PRRC2C: variants seen among roughly 807,000 people sequenced by gnomAD.
PRRC2C encodes protein PRRC2C.
Under a neutral mutation model 317.2 loss-of-function variants are expected in PRRC2C, and 72 were observed. The ratio of observed to expected loss-of-function variants is 0.23; its 90% CI spans 0.19 to 0.28. The LOEUF is 0.28. Among genes scored for constraint, PRRC2C ranks in the 10% least tolerant of loss-of-function variants. The pLI is 1.00. For missense variants in PRRC2C, 3,074 were observed against 3,459.7 expected, an observed-to-expected ratio of 0.89 and a Z score of 2.80; for synonymous variants, 1,296 against 1,205.9, an observed-to-expected ratio of 1.07 and a Z score of -1.55.
chr1:171,504,678 T>G (rs943560865), intron 1 of PRRC2C, among the ~76,000 whole-genome samples: 5 of 152,202 alleles, frequency 3.3e-5, no homozygotes, highest in African/African-American at 9.7e-5. Flanking sequence ...GCCTTAAGTC[T>G]TGAAAGCAAG....
intron 15 of PRRC2C, 98 bp from the exon 16 acceptor site, chr1:171,539,873 A>G: frequency 9.8e-7 from 1 of 1,015,362 alleles, no homozygotes; most frequent in Non-Finnish European, 1.5e-6. Context: ...TATGGTTAAG[A>G]GTCATTGCTT....
intron 6 of PRRC2C, among the ~76,000 whole-genome samples, 181 bp from the exon 7 acceptor site, chr1:171,521,996 G>C (rs1297584159): frequency 2.6e-5 from 4 of 152,164 alleles, no homozygotes; most frequent in African/African-American, 9.6e-5. Context: ...TAGTGGCAAT[G>C]GCCTTGGAAA....
At chr1:171,554,875 C>G (rs925276661) in intron 18 of PRRC2C, among the ~76,000 whole-genome samples, 3 of 152,168 alleles carry the variant, frequency 2.0e-5, no homozygotes, top group African/African-American at 7.2e-5. Context: ...CCTGACCTTT[C>G]TCTCTGGCTG....
intron 10 of PRRC2C, among the ~76,000 whole-genome samples, chr1:171,525,401 A>C (rs751692979): frequency 4.6e-5 from 7 of 152,212 alleles, no homozygotes; most frequent in Non-Finnish European, 1.0e-4. Context: ...GAACATTGTG[A>C]ATGAAGGGAA....
chr1:171,573,210 T>G (rs1685079197), intron 24 of PRRC2C, among the ~76,000 whole-genome samples: 1 of 152,146 alleles, frequency 6.6e-6, no homozygotes, highest in Non-Finnish European at 1.5e-5. Context: ...AAAAAATGAG[T>G]ATGATTAACT....
At chr1:171,511,305 C>CTA (rs1339537294) in intron 1 of PRRC2C, 3 of 152,072 alleles carry the variant, frequency 2.0e-5, no homozygotes, top group Admixed American at 6.6e-5. Flanking sequence ...TATTAATAGA[C>CTA]TAAGTTAGGG....
In PRRC2C at chr1:171,520,252, C is replaced by T. The variant is rs150749498; in HGVS notation, c.751-1925C>T. Among the ~76,000 whole-genome samples the T allele has an allele frequency of 2.4e-3, 371 of 152,210 alleles. 1 individual carries two copies. Among genetic ancestry groups the T allele is most frequent in the African/African-American group, 8.4e-3 (347 of 41,512 alleles). ...TGCTGGGATTACAGGCGTGAGCCAC[C>T]GTGCCTGGCCATTAAACGTTTTCCT... On this transcript the variant is annotated intron_variant, in intron 6 of 34. Transcript: ENST00000647382.
At chr1:171,500,430 G>T (rs1668870981) in intron 1 of PRRC2C, among the ~76,000 whole-genome samples, 1 of 151,968 alleles carries the variant, frequency 6.6e-6, no homozygotes, top group Non-Finnish European at 1.5e-5. Flanking sequence ...AGACAATCTT[G>T]CTGTGTCACC....
In PRRC2C at chr1:171,558,137, A is replaced by G. The variant is rs1257436066; in HGVS notation, c.6025A>G (p.Lys2009Glu). ...ACCAGCTGTGCTGAATGATATCTCT[A>G]AGAAATGTAAGTTGCAAAAGAGAAG... ...APPAVLNDIS[K>E]KLGPISPPQP... is the part of the protein sequence containing the mutation. Residue 2009 changes from lysine to glutamate, a missense_variant, in exon 19 of 35, where the codon AAG becomes GAG. Lys to Glu is a moderately conservative substitution (Grantham distance 56). Transcript: ENST00000647382. 1 of 1,608,698 alleles carries G rather than the reference A, an allele frequency of 6.2e-7. No homozygotes were observed. The highest frequency in any genetic ancestry group is 1.1e-5 in the South Asian group (1 of 90,628).
chr1:171,586,063 ATTTTTTT>A (rs920423722), intron 30 of PRRC2C, among the ~76,000 whole-genome samples: 4 of 83,032 alleles, frequency 4.8e-5, no homozygotes, highest in Non-Finnish European at 8.7e-5. Context: ...TCAGGTGTTG[ATTTTTTT>A]TTTTTTTTTT....
At chr1:171,568,688 A>T (rs1046578530) in intron 23 of PRRC2C, among the ~76,000 whole-genome samples, 5 of 152,242 alleles carry the variant, frequency 3.3e-5, no homozygotes, top group African/African-American at 9.6e-5. Context: ...TTGTTCTTAC[A>T]TAAAACCTTT....
chr1:171,546,622 CAG>C (rs1679164952), intron 17 of PRRC2C, among the ~76,000 whole-genome samples: 1 of 152,058 alleles, frequency 6.6e-6, no homozygotes, highest in Non-Finnish European at 1.5e-5. Context: ...TGTTTTGAGA[CAG>C]AGACTTACTC....
Position 171,537,363 on chromosome 1 carries a change from C to A in PRRC2C, c.2394C>A (p.His798Gln), listed in dbSNP as rs147784836. 4 of 1,592,438 alleles carry A rather than the reference C, an allele frequency of 2.5e-6. No individual in the cohort carries two copies. In the South Asian group the frequency reaches 4.6e-5, roughly 18 times the overall value. Residue 798 changes from histidine (H) to glutamine (Q), a missense_variant, in exon 15 of 35, where the codon CAC (histidine) becomes CAA (glutamine). Physicochemically the swap from His to Gln is conservative, Grantham distance 24. Transcript: ENST00000647382. ...ATATAGCTCGATCTGCAAGAGATCA[C>A]GCAATTTCCCTTTCTGAGCCTCGTA... is the stretch of plus-strand genomic sequence containing the variant. ...FEHIARSARD[H>Q]AISLSEPRML...
intron 1 of PRRC2C, among the ~76,000 whole-genome samples, chr1:171,502,998 C>T (rs1298385779): frequency 6.6e-6 from 1 of 152,188 alleles, no homozygotes; most frequent in African/African-American, 2.4e-5. Flanking sequence ...GCTGGGATTA[C>T]AGCATGAGCC....
At chr1:171,499,350 A>G (rs1430643082) in intron 1 of PRRC2C, among the ~76,000 whole-genome samples, 1 of 152,208 alleles carries the variant, frequency 6.6e-6, no homozygotes, top group African/African-American at 2.4e-5. Flanking sequence ...TCCAACAGGA[A>G]ATGTAAGTGA....
intron 20 of PRRC2C, among the ~76,000 whole-genome samples, chr1:171,562,005 T>TA (rs758245916): frequency 6.6e-6 from 1 of 151,980 alleles, no homozygotes; most frequent in Admixed American, 6.6e-5. Flanking sequence ...AAACCACTAA[T>TA]AAAAAAACAT....
At position 171,530,553 on chromosome 1, in the gene PRRC2C, TA is replaced by T. The variant is rs1675638384; in HGVS notation, c.1255-1789del. 2.0e-5 allele frequency among the ~76,000 whole-genome samples: 3 copies of T among 152,104 alleles called. No homozygotes were observed. The South Asian group carries it at 6.2e-4, about 32-fold the overall frequency. On this transcript the variant is annotated intron_variant, in intron 11 of 34. Coordinates refer to ENST00000647382, the MANE Select transcript of PRRC2C (RefSeq NM_001387844.1). Reference sequence around the variant, plus strand: ...GAGCCACCGTGTCTAGCCTGGGCCGTATTTTTATTTTTTTTTTAATATCTTA... The same window carrying T: ...GAGCCACCGTGTCTAGCCTGGGCCGTTTTTTATTTTTTTTTTAATATCTTA...
Position 171,544,579 on chromosome 1 carries a change from C to T in PRRC2C, c.4764-900C>T, listed in dbSNP as rs1045761797. Among the ~76,000 whole-genome samples the T allele has an allele frequency of 5.3e-5, 8 of 152,066 alleles. 1 individual carries two copies. The highest frequency in any genetic ancestry group is 1.0e-4 in the Non-Finnish European group (7 of 68,010). Reference sequence around the variant, plus strand: ...AAAATAAACAGAATAGTTTATTTCCCGTAACCAAACTATTAGAATTTTAAG... The same window carrying T: ...AAAATAAACAGAATAGTTTATTTCCTGTAACCAAACTATTAGAATTTTAAG... On this transcript the variant is annotated intron_variant, in intron 16 of 34. Transcript: ENST00000647382.
intron 6 of PRRC2C, among the ~76,000 whole-genome samples, chr1:171,519,165 TGAG>T (rs1327811037): frequency 6.6e-6 from 1 of 152,170 alleles, no homozygotes. Flanking sequence ...ATTATAGGCA[TGAG>T]TCACCATGCC....
Sources: allele counts gnomAD v4.1 joint callset (sites outside exome capture counted in the v4.1 genomes callset), GRCh38; gene constraint gnomAD v4.1.1; transcripts MANE v1.5; gene names NCBI Gene and HGNC (gene_info 2026-07-23, HGNC 2026-07-21).